Variants in SGCZ observed in about 807,000 individuals in gnomAD.
SGCZ encodes zeta-sarcoglycan.
In SGCZ, 40 loss-of-function variants were observed where a neutral mutation model predicts 41.3. The ratio of observed to expected loss-of-function variants is 0.97; its 90% CI spans 0.75 to 1.26. The LOEUF (loss-of-function observed/expected upper bound fraction) is 1.26, where lower values mean the gene tolerates loss of function less well. Among genes scored for constraint, SGCZ ranks in the 50% most tolerant of loss-of-function variants. SGCZ has a pLI of 0.00. For missense variants in SGCZ, 552 were observed against 369.8 expected (o/e 1.49, Z -4.04); for synonymous variants, 206 against 137.5 (o/e 1.50, Z -3.49).
intron 1 of SGCZ, among the ~76,000 whole-genome samples, chr8:15,189,316 A>G (rs1386872456): frequency 6.6e-6 from 1 of 152,176 alleles, no homozygotes; most frequent in Admixed American, 6.5e-5. Context: ...TTAGGTTAAT[A>G]TATGTTTATT....
intron 2 of SGCZ, among the ~76,000 whole-genome samples, chr8:14,377,689 C>T (rs1804185198): frequency 6.6e-6 from 1 of 151,744 alleles, no homozygotes; most frequent in African/African-American, 2.4e-5. Context: ...CTCCCCCCAC[C>T]CCACAACAGT....
At chr8:14,563,622 G>T (rs1180928501) in intron 1 of SGCZ, among the ~76,000 whole-genome samples, 1 of 152,130 alleles carries the variant, frequency 6.6e-6, no homozygotes, top group Non-Finnish European at 1.5e-5. Flanking sequence ...TAAGTGTAGG[G>T]ATCTGAAAAA....
At chr8:14,305,885 G>GGGCAC (rs1442032037) in intron 3 of SGCZ, among the ~76,000 whole-genome samples, 1 of 152,072 alleles carries the variant, frequency 6.6e-6, no homozygotes, top group African/African-American at 2.4e-5. Flanking sequence ...CTCTATTGCC[G>GGGCAC]CTGGGCACCA....
At chr8:14,453,976 T>C (rs1468703056) in intron 2 of SGCZ, among the ~76,000 whole-genome samples, 1 of 151,294 alleles carries the variant, frequency 6.6e-6, no homozygotes, top group African/African-American at 2.4e-5. Flanking sequence ...TATTTACACA[T>C]TAATGACAGT....
intron 2 of SGCZ, among the ~76,000 whole-genome samples, chr8:14,389,543 A>T (rs1313239028): frequency 1.3e-5 from 2 of 151,864 alleles, no homozygotes; most frequent in African/African-American, 4.8e-5. Context: ...GTAATGCCTA[A>T]AACAACGGAA....
chr8:14,776,503 CT>C lies in SGCZ; in HGVS notation c.40-221578del, dbSNP rs917444070. Among the ~76,000 whole-genome samples the C allele has an allele frequency of 7.6e-5, 11 of 145,610 alleles. No individual in the cohort carries two copies. In the East Asian group the frequency reaches 8.3e-4, roughly 11 times the overall value. Reference sequence around the variant, plus strand: ...AGCAGTGTGAAATCAGACTAATACACTTTTTTTTCTTTTTCTTTTTTTTTTT... The same window carrying C: ...AGCAGTGTGAAATCAGACTAATACACTTTTTTTCTTTTTCTTTTTTTTTTT... On this transcript the variant is annotated intron_variant, in intron 1 of 7. Coordinates refer to ENST00000382080, the MANE Select transcript of SGCZ (RefSeq NM_139167.4).
chr8:14,269,771 G>C (rs1195563182), intron 3 of SGCZ, among the ~76,000 whole-genome samples: 5 of 152,074 alleles, frequency 3.3e-5, no homozygotes, highest in Admixed American at 6.6e-5. Flanking sequence ...CAACTGATTG[G>C]GGACACTGCT....
chr8:14,415,796 A>C (rs1799476717), intron 2 of SGCZ, among the ~76,000 whole-genome samples: 1 of 151,940 alleles, frequency 6.6e-6, no homozygotes, highest in Non-Finnish European at 1.5e-5. Context: ...GTGTGCATGA[A>C]ATTGGCTCAC....
chr8:14,566,771 T>G lies in SGCZ; in HGVS notation c.40-11845A>C, dbSNP rs1804378083. On this transcript the variant is annotated intron_variant, in intron 1 of 7. Transcript: ENST00000382080. ...CCGCTGCACTGTGGGAGCCCCTTTC[T>G]GGGCTGGCCAAGGCCGGAGCTGGCT... 2.0e-5 allele frequency among the ~76,000 whole-genome samples: 3 copies of G among 152,196 alleles called. No homozygotes were observed. In the South Asian group the frequency reaches 6.2e-4, roughly 31 times the overall value.
chr8:14,707,771 C>A (rs932292720), intron 1 of SGCZ, among the ~76,000 whole-genome samples: 9 of 152,054 alleles, frequency 5.9e-5, no homozygotes, highest in Non-Finnish European at 1.0e-4. Flanking sequence ...AGCCTTGGAC[C>A]ATGTCTCATT....
chr8:14,373,322 A>G (rs2117167819), intron 2 of SGCZ, among the ~76,000 whole-genome samples: 1 of 152,334 alleles, frequency 6.6e-6, no homozygotes, highest in African/African-American at 2.4e-5. Context: ...GTTAAATCTG[A>G]AATATGGATA....
chr8:14,295,745 A>C (rs1449787179), intron 3 of SGCZ, among the ~76,000 whole-genome samples: 2 of 152,162 alleles, frequency 1.3e-5, no homozygotes, highest in African/African-American at 4.8e-5. Context: ...TGACAGTGTA[A>C]GAATGTGAAC....
At chr8:15,224,656 TA>T (rs1465589918) in intron 1 of SGCZ, among the ~76,000 whole-genome samples, 2 of 152,184 alleles carry the variant, frequency 1.3e-5, no homozygotes, top group Non-Finnish European at 2.9e-5. Context: ...AACGGATTTC[TA>T]AAATCTAACT....
At chr8:14,637,933 C>T (rs1234851999) in intron 1 of SGCZ, among the ~76,000 whole-genome samples, 6 of 151,988 alleles carry the variant, frequency 3.9e-5, no homozygotes, top group African/African-American at 1.4e-4. Flanking sequence ...TTCCTACCAT[C>T]AGTGTGTAAG....
At chr8:14,811,634 A>C (rs2130538989) in intron 1 of SGCZ, among the ~76,000 whole-genome samples, 1 of 149,432 alleles carries the variant, frequency 6.7e-6, no homozygotes, top group South Asian at 2.1e-4. Flanking sequence ...TTTTCACATA[A>C]ATTTCATAGA....
chr8:15,051,278 A>G (rs901695197), intron 1 of SGCZ, among the ~76,000 whole-genome samples: 4 of 152,178 alleles, frequency 2.6e-5, no homozygotes, highest in African/African-American at 7.2e-5. Context: ...GAAAAAGAAT[A>G]TTTATTCTTA....
chr8:14,325,299 A>C (rs1802054849), intron 2 of SGCZ, among the ~76,000 whole-genome samples: 1 of 151,998 alleles, frequency 6.6e-6, no homozygotes, highest in East Asian at 1.9e-4. Flanking sequence ...TTATGTATAG[A>C]CACAGAAAGG....
At chr8:15,155,120 G>A (rs1414002704) in intron 1 of SGCZ, among the ~76,000 whole-genome samples, 1 of 151,986 alleles carries the variant, frequency 6.6e-6, no homozygotes, top group Non-Finnish European at 1.5e-5. Context: ...GGTGAAACAT[G>A]TATTTCTACT....
intron 5 of SGCZ, among the ~76,000 whole-genome samples, chr8:14,109,022 A>G (rs905374912): frequency 2.0e-5 from 3 of 152,162 alleles, no homozygotes; most frequent in Non-Finnish European, 1.5e-5. Context: ...TTTTTTAAAG[A>G]CAAACCCTCA....
Sources: allele counts gnomAD v4.1 joint callset (sites outside exome capture counted in the v4.1 genomes callset), GRCh38; gene constraint gnomAD v4.1.1; transcripts MANE v1.5; gene names NCBI Gene and HGNC (gene_info 2026-07-23, HGNC 2026-07-21).